The following AHNAK variants were observed in gnomAD, a reference collection of about 807,000 sequenced individuals.
AHNAK encodes AHNAK nucleoprotein, also known as neuroblast differentiation-associated protein AHNAK.
AHNAK carries 23 observed loss-of-function variants against 37.8 expected under a neutral mutation model. The observed-to-expected ratio is 0.61, with a 90% CI of 0.44 to 0.86. The LOEUF is 0.86. Ranked by LOEUF, AHNAK falls within the 40% of genes least tolerant of loss-of-function variation. AHNAK has a pLI of 0.00. For synonymous variants in AHNAK, 2,481 were observed against 2,636.3 expected, an observed-to-expected ratio of 0.94 and a Z score of 1.80; for missense variants, 7,411 against 7,319.4, an observed-to-expected ratio of 1.01 and a Z score of -0.46.
intron 5 of AHNAK, chr11:62,491,725 C>T: frequency 6.2e-7 from 1 of 1,605,362 alleles, no homozygotes; most frequent in Non-Finnish European, 8.5e-7. Context: ...CCCATCACTT[C>T]TCTCACCTGC....
intron 4 of AHNAK, among the ~76,000 whole-genome samples, chr11:62,493,334 T>TTC (rs1385648077): frequency 9.3e-6 from 1 of 108,090 alleles, no homozygotes; most frequent in Non-Finnish European, 1.7e-5. Context: ...CTTTCTTTCT[T>TTC]TTTTTTTTTT....
chr11:62,479,942 G>C (rs1251387374), intron 5 of AHNAK, among the ~76,000 whole-genome samples: 2 of 152,178 alleles, frequency 1.3e-5, no homozygotes, highest in East Asian at 3.8e-4. Flanking sequence ...CCATTCCGGG[G>C]AGCTGGAATC....
chr11:62,537,891 C>T lies in AHNAK; in HGVS notation c.-99-1324G>A, dbSNP rs147731159. On this transcript the variant is annotated intron_variant, in intron 1 of 4. Coordinates refer to ENST00000378024, the MANE Select transcript of AHNAK (RefSeq NM_001620.3). ...TAGAGATGGGGTTTCACCATCTTAG[C>T]CAGGCTTGTCTTGAACTCCTGACCC... is the stretch of plus-strand genomic sequence containing the variant. Among the ~76,000 whole-genome samples, 16 of 152,202 alleles carry T rather than the reference C, an allele frequency of 1.1e-4. No homozygotes were observed. The East Asian group carries it at 3.1e-3, about 30-fold the overall frequency.
Position 62,518,613 on chromosome 11 carries a change from T to C in AHNAK, c.15804A>G (p.Gly5268=). Residue 5268 remains glycine (G), a synonymous_variant, in exon 5 of 5, where the codon GGA becomes GGG. Coordinates refer to ENST00000378024, the MANE Select transcript of AHNAK (RefSeq NM_001620.3). ...QLPSLEGDLR[G]PDVKLEGPDV... ...CGGGCCCTTCGAGCTTAACATCTGGTCCTCTCAAGTCTCCTTCAAGAGAGG... is the reference window on the plus strand; with the variant it reads ...CGGGCCCTTCGAGCTTAACATCTGGCCCTCTCAAGTCTCCTTCAAGAGAGG... The C allele has an allele frequency of 6.2e-7, 1 of 1,614,178 alleles. No homozygotes were observed. The highest frequency in any genetic ancestry group is 1.1e-5 in the South Asian group (1 of 91,084).
intron 5 of AHNAK, among the ~76,000 whole-genome samples, chr11:62,477,378 G>A (rs1939172131): frequency 6.6e-6 from 1 of 152,154 alleles, no homozygotes; most frequent in Non-Finnish European, 1.5e-5. Flanking sequence ...GTGGGAGGAG[G>A]AGAGAGAGAA....
At chr11:62,475,968 T>C (rs1939138096) in intron 5 of AHNAK, among the ~76,000 whole-genome samples, 1 of 152,206 alleles carries the variant, frequency 6.6e-6, no homozygotes, top group South Asian at 2.1e-4. Flanking sequence ...TTACTTGCTG[T>C]TTATTTTATG....
At chr11:62,497,164 C>G (rs1939626342) in intron 4 of AHNAK, among the ~76,000 whole-genome samples, 2 of 152,300 alleles carry the variant, frequency 1.3e-5, no homozygotes, top group African/African-American at 4.8e-5. Context: ...TCATCAAAGC[C>G]AAGCACAGGT....
Position 62,532,445 on chromosome 11 carries a change from T to A in AHNAK, c.1972A>T (p.Ser658Cys). The A allele has an allele frequency of 6.2e-7, 1 of 1,614,050 alleles. No individual in the cohort carries two copies. ...ACATTGACCTTGGGCCCTGAAATACTGATATCTCCTTTGGGTAGAGTCATA... is the reference window on the plus strand; with the variant it reads ...ACATTGACCTTGGGCCCTGAAATACAGATATCTCCTTTGGGTAGAGTCATA... Reference protein sequence around the residue: ...VHMTLPKGDISISGPKVNVEA... With the variant: ...VHMTLPKGDICISGPKVNVEA... Residue 658 changes from serine (S) to cysteine (C), a missense_variant, in exon 5 of 5, where the codon AGT (serine) becomes TGT (cysteine). By Grantham distance (112) the Ser-to-Cys change is moderately radical. Coordinates refer to ENST00000378024, the MANE Select transcript of AHNAK (RefSeq NM_001620.3).
At chr11:62,436,780 CA>C (rs928564973) in intron 5 of AHNAK, among the ~76,000 whole-genome samples, 4 of 150,524 alleles carry the variant, frequency 2.7e-5, no homozygotes, top group South Asian at 4.2e-4. Flanking sequence ...ACCAAAAATA[CA>C]AAAAAAAATT....
chr11:62,534,125 G>T (rs1454077304), intron 4 of AHNAK, 51 bp from the exon 5 acceptor site: 2 of 1,493,516 alleles, frequency 1.3e-6, no homozygotes, highest in Non-Finnish European at 1.8e-6. Context: ...GCCTGAGTTA[G>T]CAGATGCCCG....
At position 62,519,776 on chromosome 11, in the gene AHNAK, G is replaced by A. The variant is rs946109798; in HGVS notation, c.14641C>T (p.Pro4881Ser). 1.9e-6 allele frequency: 3 copies of A among 1,613,112 alleles called. No individual in the cohort carries two copies. The highest frequency in any genetic ancestry group is 1.7e-5 in the Admixed American group (1 of 59,852). ...CGTGGACCTTTAAGATCTACTTCTG[G>A]GCCTTTCAAAGTCCCTTCAACCTTA... ...VPKVEGTLKG[P>S]EVDLKGPRLD... Residue 4881 changes from proline to serine, a missense_variant, in exon 5 of 5, where the codon CCA becomes TCA. Physicochemically the swap from Pro to Ser is moderately conservative, Grantham distance 74. Transcript: ENST00000378024.
At position 62,531,059 on chromosome 11, in the gene AHNAK, G is replaced by A; in HGVS notation, c.3358C>T (p.Leu1120=). 1.2e-6 allele frequency: 2 copies of A among 1,613,890 alleles called. No individual in the cohort carries two copies. Among genetic ancestry groups the A allele is most frequent in the Non-Finnish European group, 1.7e-6 (2 of 1,179,992 alleles). ...TTGGGTATTTTCAGGCTCCAGTCCA[G>A]GCCTTGGCCTTCCACATCTGGTGCT... The part of the protein sequence containing the change: ...IKAPDVEGQG[L]DWSLKIPKMK... The change falls in exon 5 of 5, where the codon CTG becomes TTG. Residue 1120 remains leucine (L), a synonymous_variant. Coordinates refer to ENST00000378024, the MANE Select transcript of AHNAK (RefSeq NM_001620.3).
Position 62,523,582 on chromosome 11 carries a change from A to G in AHNAK, c.10835T>C (p.Met3612Thr). The change falls in exon 5 of 5, where the codon ATG (methionine) becomes ACG (threonine). Residue 3612 changes from methionine to threonine, a missense_variant. Physicochemically the swap from Met to Thr is moderately conservative, Grantham distance 81. Transcript: ENST00000378024. Reference sequence around the variant, plus strand: ...AGGGCCTTCTCCTTTGAAGCCAGGCATGCTGAACTTGGGCATTTTCACTTT... The same window carrying G: ...AGGGCCTTCTCCTTTGAAGCCAGGCGTGCTGAACTTGGGCATTTTCACTTT... ...MPKVKMPKFSMPGFKGEGPEV... is the reference protein window; with the variant it reads ...MPKVKMPKFSTPGFKGEGPEV... 1 of 1,614,130 alleles carries G rather than the reference A, an allele frequency of 6.2e-7. No individual in the cohort carries two copies. Among genetic ancestry groups the G allele is most frequent in the South Asian group, 1.1e-5 (1 of 91,076 alleles).
chr11:62,485,874 A>C (rs530331672), intron 5 of AHNAK, among the ~76,000 whole-genome samples: 1 of 151,384 alleles, frequency 6.6e-6, no homozygotes, highest in Admixed American at 6.6e-5. Flanking sequence ...ACAAAAAATT[A>C]GCCAGACATT....
intron 4 of AHNAK, among the ~76,000 whole-genome samples, chr11:62,499,315 G>A (rs542210731): frequency 2.6e-5 from 4 of 152,290 alleles, no homozygotes; most frequent in South Asian, 4.1e-4. Context: ...TTGGGAGGCC[G>A]AGGCGGGTGG....
In AHNAK at chr11:62,522,636, G is replaced by A; in HGVS notation, c.11781C>T (p.Asp3927=). The change falls in exon 5 of 5, where the codon GAC becomes GAT. Residue 3927 remains aspartate, a synonymous_variant. Transcript: ENST00000378024. The part of the protein sequence containing the change: ...NAPDVDVRGP[D]WHLKMPKIKM... ...TTATCTTAGGCATCTTCAGGTGCCA[G>A]TCTGGGCCTCGAACATCCACATCTG... 3.1e-6 allele frequency: 5 copies of A among 1,613,238 alleles called. No homozygotes were observed. The highest frequency in any genetic ancestry group is 2.5e-6 in the Non-Finnish European group (3 of 1,179,834).
chr11:62,444,158 C>T lies in AHNAK; in HGVS notation c.443-10267G>A, dbSNP rs143630921. ...CCACCCGGCCTCGTAACAACCCTGG[C>T]GATAACACAAAAGGCGTTCTTCTTT... is the stretch of plus-strand genomic sequence containing the variant. On this transcript the variant is annotated intron_variant, in intron 5 of 5. Coordinates refer to the AHNAK transcript ENST00000257247. Among the ~76,000 whole-genome samples, 124 of 152,264 alleles carry T rather than the reference C, an allele frequency of 8.1e-4. 3 individuals are homozygous for T. The East Asian group carries it at 0.019, about 23-fold the overall frequency.
chr11:62,443,941 AC>A (rs913944016), intron 5 of AHNAK, among the ~76,000 whole-genome samples: 1 of 152,080 alleles, frequency 6.6e-6, no homozygotes. Context: ...TAGAAATGTC[AC>A]CCCAGGGTCC....
intron 5 of AHNAK, among the ~76,000 whole-genome samples, chr11:62,466,181 A>G (rs1286481653): frequency 6.6e-6 from 1 of 151,996 alleles, no homozygotes; most frequent in East Asian, 1.9e-4. Flanking sequence ...TTAGCTAAGA[A>G]TGGTGGCACA....
Sources: gnomAD v4.1 joint callset for allele counts (sites outside exome capture counted in the v4.1 genomes callset) on GRCh38, gnomAD v4.1.1 for gene constraint, MANE v1.5 for transcripts, NCBI Gene and HGNC (gene_info 2026-07-23, HGNC 2026-07-21) for gene names.